The following BMP2K variants were observed in gnomAD, a reference collection of about 807,000 sequenced individuals.
BMP2K encodes BMP2 inducible kinase.
BMP2K carries 74 observed loss-of-function variants against 116.0 expected under a neutral mutation model. The observed-to-expected ratio is 0.64, with a 90% CI of 0.53 to 0.77. The LOEUF (loss-of-function observed/expected upper bound fraction) is 0.77, where lower values mean the gene tolerates loss of function less well. Among genes scored for constraint, BMP2K ranks in the 30% least tolerant of loss-of-function variants. The pLI is 0.00. For synonymous variants in BMP2K, 486 were observed against 502.5 expected, an observed-to-expected ratio of 0.97 and a Z score of 0.44; for missense variants, 1,365 against 1,403.6, an observed-to-expected ratio of 0.97 and a Z score of 0.44.
At chr4:78,797,442 A>G (rs1728353025) in intron 1 of BMP2K, among the ~76,000 whole-genome samples, 1 of 152,184 alleles carries the variant, frequency 6.6e-6, no homozygotes, top group East Asian at 1.9e-4. Context: ...CCTTTATTGA[A>G]CAGATTCCTT....
chr4:78,912,461 G>T lies in BMP2K; in HGVS notation c.*428G>T. 1 of 156,440 alleles carries T rather than the reference G, an allele frequency of 6.4e-6. No individual in the cohort carries two copies. Among genetic ancestry groups the T allele is most frequent in the Non-Finnish European group, 1.4e-5 (1 of 70,966 alleles). The allele number at this position is 156,440 out of a possible 1,614,324, so 9.7% of individuals were successfully genotyped here. The stretch of plus-strand genomic sequence containing the variant: ...AGTTACACTTGTGAATTTTTTTTAA[G>T]GTCTCTTTTAATTTCCAGACAGTTA... On this transcript the variant is annotated 3_prime_UTR_variant, in exon 16 of 16. Transcript: ENST00000502613.
At position 78,861,373 on chromosome 4, in the gene BMP2K, T is replaced by C. The variant is rs1460217733; in HGVS notation, c.988-16T>C. The C allele has an allele frequency of 1.3e-6, 2 of 1,555,762 alleles. No homozygotes were observed. The highest frequency in any genetic ancestry group is 1.7e-6 in the Non-Finnish European group (2 of 1,146,446). On this transcript the variant is annotated splice_polypyrimidine_tract_variant and intron_variant, in intron 8 of 15. Transcript: ENST00000502613. ...TAAAAAACTAAAATGAGACGTTTTA[T>C]TTTTTTTCTTCCAAGAATTCTTCTA...
At position 78,776,660 on chromosome 4, in the gene BMP2K, G is replaced by T. The variant is rs1401229335; in HGVS notation, c.117G>T (p.Val39=). ...GAGCGSGGSS[V]GVRVFAVGRH... Reference sequence around the variant, plus strand: ...GCTGCGGCTCCGGCGGCTCGTCCGTGGGGGTCCGGGTGTTCGCGGTCGGCC... The same window carrying T: ...GCTGCGGCTCCGGCGGCTCGTCCGTTGGGGTCCGGGTGTTCGCGGTCGGCC... Residue 39 remains valine (V), a synonymous_variant, in exon 1 of 16, where the codon GTG becomes GTT. Transcript: ENST00000502613. 2 of 1,234,398 alleles carry T rather than the reference G, an allele frequency of 1.6e-6. No individual in the cohort carries two copies. Among genetic ancestry groups the T allele is most frequent in the Non-Finnish European group, 2.0e-6 (2 of 984,894 alleles). The allele number at this position is 1,234,398 out of a possible 1,614,324, so 76.5% of individuals were successfully genotyped here.
chr4:78,845,623 G>A (rs771627030), intron 5 of BMP2K, among the ~76,000 whole-genome samples: 12 of 151,510 alleles, frequency 7.9e-5, no homozygotes, highest in African/African-American at 1.2e-4. Flanking sequence ...AGAATCTTTC[G>A]CTGACTCTTC....
rs72659101 is a variant in BMP2K at position 78,838,918 on chromosome 4, C to T, written c.404-3467C>T. Among the ~76,000 whole-genome samples, 1,393 of 152,228 alleles carry T rather than the reference C, an allele frequency of 9.2e-3. 8 individuals carry two copies. Among genetic ancestry groups the T allele is most frequent in the Non-Finnish European group, 0.013 (868 of 68,004 alleles). On this transcript the variant is annotated intron_variant, in intron 3 of 15. Coordinates refer to ENST00000502613, the MANE Select transcript of BMP2K (RefSeq NM_198892.2). ...GAAATTATGTACTTTAGGTCTCAGA[C>T]TTCCAGAAATCAGTATTGGTATTTT...
At chr4:78,886,713 AAG>A (rs1327728099) in intron 14 of BMP2K, among the ~76,000 whole-genome samples, 4 of 152,164 alleles carry the variant, frequency 2.6e-5, no homozygotes, top group African/African-American at 7.2e-5. Flanking sequence ...AGTACAAAAA[AAG>A]AACAAAAAAG....
At chr4:78,855,379 T>C (rs1174176004) in intron 7 of BMP2K, among the ~76,000 whole-genome samples, 1 of 152,164 alleles carries the variant, frequency 6.6e-6, no homozygotes, top group African/African-American at 2.4e-5. Context: ...ACCAAACAAA[T>C]TTTAAGCAGG....
At chr4:78,808,048 C>T (rs1288378290) in intron 1 of BMP2K, among the ~76,000 whole-genome samples, 1 of 151,476 alleles carries the variant, frequency 6.6e-6, no homozygotes, top group East Asian at 1.9e-4. Context: ...CTTGGCTTTT[C>T]CTAGGTTTTA....
chr4:78,856,406 A>G (rs1398372214), intron 7 of BMP2K, among the ~76,000 whole-genome samples: 1 of 152,092 alleles, frequency 6.6e-6, no homozygotes, highest in Non-Finnish European at 1.5e-5. Context: ...TGCGCACTCT[A>G]GATTACATCC....
chr4:78,899,896 AAGGT>A lies in BMP2K; in HGVS notation c.2063-10704_2063-10701del, dbSNP rs1191652171. 2.0e-5 allele frequency among the ~76,000 whole-genome samples: 3 copies of A among 152,170 alleles called. No individual in the cohort carries two copies. The South Asian group carries it at 6.2e-4, about 32-fold the overall frequency. ...AGTCCAGCTGTGCTGAGAACAGAGA[AAGGT>A]AGGTAGGTAAGGATTAAGGGAAGAA... On this transcript the variant is annotated intron_variant, in intron 15 of 15. Coordinates refer to ENST00000502613, the MANE Select transcript of BMP2K (RefSeq NM_198892.2).
rs2109997776 is a variant in BMP2K, at chr4:78,825,342, T to C, written c.179-695T>C. Among the ~76,000 whole-genome samples the C allele has an allele frequency of 1.3e-5, 2 of 152,356 alleles. 1 individual carries two copies. The highest frequency in any genetic ancestry group is 4.1e-4 in the South Asian group (2 of 4,832). ...ATTCAGTAGGCCAAATGTCTGTGTT[T>C]TGGATCATTTTCTTTCTGATTCTTT... On this transcript the variant is annotated intron_variant, in intron 1 of 15. Transcript: ENST00000502613.
intron 10 of BMP2K, among the ~76,000 whole-genome samples, chr4:78,866,173 T>C (rs990000232): frequency 7.2e-5 from 11 of 152,222 alleles, no homozygotes; most frequent in African/African-American, 2.4e-4. Flanking sequence ...AAAACTTACC[T>C]GATTTTGAGA....
Position 78,915,738 on chromosome 4 carries a change from G to T in BMP2K, c.*3705G>T, listed in dbSNP as rs1337386465. On this transcript the variant is annotated 3_prime_UTR_variant, in exon 16 of 16. Transcript: ENST00000502613. ...ATCTAAGAGAACATTCACTCCTAGT[G>T]AGGGTTTACAAAAGCTACTAAGAGA... 6.6e-6 allele frequency: 1 copy of T among 151,966 alleles called. No homozygotes were observed. The highest frequency in any genetic ancestry group is 2.4e-5 in the African/African-American group (1 of 41,414). 9.4% of individuals were successfully genotyped at this position (151,966 alleles called of 1,614,324 possible).
intron 2 of BMP2K, among the ~76,000 whole-genome samples, chr4:78,832,874 TAA>T (rs1297343140): frequency 6.6e-6 from 1 of 152,060 alleles, no homozygotes; most frequent in African/African-American, 2.4e-5. Context: ...ATTGCATAGT[TAA>T]AACTAGGTTT....
intron 1 of BMP2K, among the ~76,000 whole-genome samples, chr4:78,791,580 C>T (rs1045650668): frequency 2.6e-5 from 4 of 152,156 alleles, no homozygotes; most frequent in Admixed American, 2.0e-4. Flanking sequence ...AAACAAACTT[C>T]GTACCCATCA....
intron 10 of BMP2K, among the ~76,000 whole-genome samples, chr4:78,866,876 A>AAAGGG (rs1732077487): frequency 6.6e-6 from 1 of 152,020 alleles, no homozygotes; most frequent in African/African-American, 2.4e-5. Context: ...TCTCGAACTC[A>AAAGGG]AAGGGAAGTA....
intron 1 of BMP2K, among the ~76,000 whole-genome samples, chr4:78,779,717 C>G (rs1005676196): frequency 6.6e-6 from 1 of 152,102 alleles, no homozygotes; most frequent in Non-Finnish European, 1.5e-5. Context: ...CATATTATGT[C>G]TATAATTTGA....
intron 1 of BMP2K, among the ~76,000 whole-genome samples, chr4:78,814,537 GATCTGATGGTTTT>G (rs1168784204): frequency 6.6e-6 from 1 of 152,142 alleles, no homozygotes; most frequent in African/African-American, 2.4e-5. Flanking sequence ...GTTCTCACAA[GATCTGATGGTTTT>G]ATAAGGGGCT....
chr4:78,777,956 C>T (rs1727324549), intron 1 of BMP2K, among the ~76,000 whole-genome samples: 1 of 152,098 alleles, frequency 6.6e-6, no homozygotes, highest in Non-Finnish European at 1.5e-5. Context: ...GAAGGAGGAT[C>T]CTTAGTTTTT....
Sources: allele counts gnomAD v4.1 joint callset (sites outside exome capture counted in the v4.1 genomes callset), GRCh38; gene constraint gnomAD v4.1.1; transcripts MANE v1.5; gene names NCBI Gene and HGNC (gene_info 2026-07-23, HGNC 2026-07-21).